Variants in CRISPLD2 observed in about 807,000 individuals in gnomAD.
CRISPLD2 encodes cysteine-rich secretory protein LCCL domain-containing 2.
In CRISPLD2, 47 loss-of-function variants were observed where a neutral mutation model predicts 71.1. The ratio of observed to expected loss-of-function variants is 0.66; its 90% confidence interval spans 0.52 to 0.84. The LOEUF is 0.84. Ranked by LOEUF, CRISPLD2 falls within the 40% of genes least tolerant of loss-of-function variation. The pLI is 0.00. For synonymous variants in CRISPLD2, 317 were observed against 250.1 expected (o/e 1.27, Z -2.52); for missense variants, 830 against 651.1 (o/e 1.27, Z -2.99).
rs542046083 is a variant in CRISPLD2, at chr16:84,829,409, G to A, written c.-74-9013G>A. The stretch of plus-strand genomic sequence containing the variant: ...CAAGGGATCTGCCAGAGACACAAAC[G>A]GGGGGAGTGGAGTACCCCTCCTTCC... On this transcript the variant is annotated intron_variant, in intron 1 of 14. Transcript: ENST00000262424. 1.5e-4 allele frequency among the ~76,000 whole-genome samples: 23 copies of A among 152,284 alleles called. No individual in the cohort carries two copies. The South Asian group carries it at 2.7e-3, about 18-fold the overall frequency.
At chr16:84,851,026 A>C (rs1017404703) in intron 5 of CRISPLD2, among the ~76,000 whole-genome samples, 17 of 152,178 alleles carry the variant, frequency 1.1e-4, no homozygotes, top group African/African-American at 4.1e-4. Context: ...TGCCAGAATT[A>C]GACCAATCAT....
In CRISPLD2 at chr16:84,909,251, G is replaced by T. The variant is rs1355840965; in HGVS notation, c.*2609G>T. On this transcript the variant is annotated 3_prime_UTR_variant, in exon 15 of 15. Coordinates refer to ENST00000262424, the MANE Select transcript of CRISPLD2 (RefSeq NM_031476.4). ...GAGTTTTGCCCTACCGTATTCCAAA[G>T]CGTGTGCTGGTTTCTCATATTGTCT... The T allele has an allele frequency of 3.3e-5, 5 of 152,576 alleles. No homozygotes were observed. The highest frequency in any genetic ancestry group is 1.5e-5 in the Non-Finnish European group (1 of 68,028). 9.5% of individuals were successfully genotyped at this position (152,576 alleles called of 1,614,324 possible).
chr16:84,863,055 C>A (rs9938473), intron 6 of CRISPLD2: 34,530 of 152,040 alleles, frequency 0.23, 4,054 homozygotes, highest in East Asian at 0.43. Flanking sequence ...GACTTCACAG[C>A]CAGACAGTGC....
intron 6 of CRISPLD2, among the ~76,000 whole-genome samples, chr16:84,855,584 C>G (rs927159003): frequency 2.0e-5 from 3 of 152,186 alleles, no homozygotes; most frequent in African/African-American, 7.2e-5. Flanking sequence ...CCTCTCCCAG[C>G]CCACTGACTC....
chr16:84,893,724 C>A (rs2071682323), intron 14 of CRISPLD2, among the ~76,000 whole-genome samples: 1 of 152,328 alleles, frequency 6.6e-6, no homozygotes, highest in South Asian at 2.1e-4. Context: ...CAAGAGAACC[C>A]TGCAGAGACA....
intron 13 of CRISPLD2, among the ~76,000 whole-genome samples, chr16:84,889,019 A>C (rs1304477082): frequency 3.3e-5 from 5 of 152,222 alleles, no homozygotes; most frequent in Non-Finnish European, 7.3e-5. Flanking sequence ...GTGCTTAGAA[A>C]ACACTTGTTG....
At chr16:84,881,048 T>A (rs1302584376) in intron 13 of CRISPLD2, among the ~76,000 whole-genome samples, 1 of 152,052 alleles carries the variant, frequency 6.6e-6, no homozygotes, top group Non-Finnish European at 1.5e-5. Flanking sequence ...GCAAACATTT[T>A]CCCCATTTCC....
chr16:84,840,821 C>T (rs778982047), intron 2 of CRISPLD2, among the ~76,000 whole-genome samples: 18 of 152,190 alleles, frequency 1.2e-4, no homozygotes, highest in Non-Finnish European at 2.2e-4. Flanking sequence ...GGATTACAGG[C>T]ATGAACCACC....
intron 1 of CRISPLD2, among the ~76,000 whole-genome samples, chr16:84,832,169 G>C (rs1597446514): frequency 6.6e-6 from 1 of 152,338 alleles, no homozygotes; most frequent in South Asian, 2.1e-4. Flanking sequence ...CATTTTTGGA[G>C]GCTCTGGCAC....
At chr16:84,874,116 C>T (rs1209069504) in intron 11 of CRISPLD2, among the ~76,000 whole-genome samples, 153 bp downstream of exon 11, 1 of 152,156 alleles carries the variant, frequency 6.6e-6, no homozygotes, top group Non-Finnish European at 1.5e-5. Flanking sequence ...GACGTCATCT[C>T]TTTAACCAGC....
intron 2 of CRISPLD2, among the ~76,000 whole-genome samples, chr16:84,841,213 G>T (rs1033677133): frequency 1.3e-5 from 2 of 152,358 alleles, no homozygotes; most frequent in East Asian, 1.9e-4. Context: ...CCCACTCTGC[G>T]GAGGAGCCAT....
chr16:84,828,748 T>A (rs1391979071), intron 1 of CRISPLD2, among the ~76,000 whole-genome samples: 1 of 152,196 alleles, frequency 6.6e-6, no homozygotes, highest in African/African-American at 2.4e-5. Flanking sequence ...TCAGTTCTTT[T>A]TTTTTCACAT....
intron 5 of CRISPLD2, among the ~76,000 whole-genome samples, chr16:84,852,890 AC>A (rs1422645240): frequency 1.3e-5 from 2 of 151,950 alleles, no homozygotes; most frequent in African/African-American, 2.4e-5. Context: ...AACTGGCAAA[AC>A]CCCATCTCCA....
chr16:84,864,062 C>T (rs959211614), intron 6 of CRISPLD2, among the ~76,000 whole-genome samples: 3 of 151,800 alleles, frequency 2.0e-5, no homozygotes, highest in African/African-American at 7.3e-5. Context: ...GGCCAGTGCT[C>T]AGTGAACATT....
chr16:84,873,938 C>G lies in CRISPLD2; in HGVS notation c.1131C>G (p.Ser377Arg). ...TAAACAGCAAATACAAACCTTCCAG[C>G]TCATTCATGGTGTCAAAAGTGAAAG... ...VQSLSKYKPS[S>R]SFMVSKVKVQ... The change falls in exon 11 of 15, where the codon AGC (serine) becomes AGG (arginine). Residue 377 changes from serine to arginine, a missense_variant. By Grantham distance (110) the Ser-to-Arg change is moderately radical. Coordinates refer to ENST00000262424, the MANE Select transcript of CRISPLD2 (RefSeq NM_031476.4). 6.3e-7 allele frequency: 1 copy of G among 1,595,654 alleles called. No homozygotes were observed. Among genetic ancestry groups the G allele is most frequent in the East Asian group, 2.2e-5 (1 of 44,526 alleles).
chr16:84,896,956 C>T (rs1416367709), intron 14 of CRISPLD2, among the ~76,000 whole-genome samples: 2 of 152,226 alleles, frequency 1.3e-5, no homozygotes, highest in African/African-American at 4.8e-5. Flanking sequence ...GCCGTCCACC[C>T]TCCTTAATCC....
chr16:84,837,053 C>T (rs1294223694), intron 1 of CRISPLD2, among the ~76,000 whole-genome samples: 9 of 152,200 alleles, frequency 5.9e-5, no homozygotes, highest in Admixed American at 2.0e-4. Flanking sequence ...TCTTCGCATC[C>T]CCAGTCTCCA....
chr16:84,824,163 G>A (rs55792530), intron 1 of CRISPLD2, among the ~76,000 whole-genome samples: 1 of 152,160 alleles, frequency 6.6e-6, no homozygotes, highest in East Asian at 1.9e-4. Context: ...CAGAGGCACC[G>A]TGTGTGTGCA....
At chr16:84,852,077 G>A (rs1384676297) in intron 5 of CRISPLD2, among the ~76,000 whole-genome samples, 2 of 151,850 alleles carry the variant, frequency 1.3e-5, no homozygotes, top group Non-Finnish European at 2.9e-5. Context: ...GCTCCAGTGG[G>A]AGCTCTCTTC....
Sources: gnomAD v4.1 joint callset for allele counts (sites outside exome capture counted in the v4.1 genomes callset) on GRCh38, gnomAD v4.1.1 for gene constraint, MANE v1.5 for transcripts, NCBI Gene and HGNC (gene_info 2026-07-23, HGNC 2026-07-21) for gene names.